Variants in ARHGAP10 observed in about 807,000 individuals in gnomAD.
The protein encoded by ARHGAP10 is Rho GTPase activating protein 10.
Under a neutral mutation model 108.6 loss-of-function variants are expected in ARHGAP10, and 87 were observed. The observed-to-expected ratio is 0.80, with a 90% CI of 0.67 to 0.96. The LOEUF (loss-of-function observed/expected upper bound fraction) is 0.96. Among genes scored for constraint, ARHGAP10 ranks in the 40% least tolerant of loss-of-function variants. The pLI, the probability that ARHGAP10 is intolerant of heterozygous loss-of-function variation, is 0.00. For synonymous variants in ARHGAP10, 347 were observed against 341.1 expected, an observed-to-expected ratio of 1.02 and a Z score of -0.19; for missense variants, 939 against 954.5, an observed-to-expected ratio of 0.98 and a Z score of 0.21.
intron 1 of ARHGAP10, among the ~76,000 whole-genome samples, chr4:147,818,869 G>A (rs995931063): frequency 1.1e-4 from 17 of 152,164 alleles, no homozygotes; most frequent in African/African-American, 3.9e-4. Flanking sequence ...AAAAGAAATA[G>A]AATATGGTGT....
chr4:147,952,616 T>G (rs1388546615), intron 15 of ARHGAP10, among the ~76,000 whole-genome samples: 9 of 152,276 alleles, frequency 5.9e-5, no homozygotes, highest in Non-Finnish European at 7.4e-5. Context: ...GATTGTCATA[T>G]TATTATGTTT....
At chr4:147,801,668 A>G (rs1731587327) in intron 1 of ARHGAP10, among the ~76,000 whole-genome samples, 1 of 152,256 alleles carries the variant, frequency 6.6e-6, no homozygotes. Flanking sequence ...ATTATACTTC[A>G]AAGAGAGTAA....
chr4:147,868,780 G>A (rs879025973), intron 7 of ARHGAP10, among the ~76,000 whole-genome samples: 7 of 152,154 alleles, frequency 4.6e-5, no homozygotes, highest in Admixed American at 3.3e-4. Context: ...ATCCACGTGC[G>A]CAGTTCACAA....
chr4:147,854,396 A>C (rs987303150), intron 4 of ARHGAP10, among the ~76,000 whole-genome samples: 1 of 152,126 alleles, frequency 6.6e-6, no homozygotes, highest in African/African-American at 2.4e-5. Flanking sequence ...GACGAGGACT[A>C]TCTGGTTTTC....
chr4:148,031,758 G>C (rs1728158007), intron 19 of ARHGAP10, among the ~76,000 whole-genome samples: 1 of 152,188 alleles, frequency 6.6e-6, no homozygotes, highest in Non-Finnish European at 1.5e-5. Context: ...GGAGAAGGAA[G>C]AGCCAGAGAG....
At chr4:148,024,452 T>C (rs1741690652) in intron 19 of ARHGAP10, among the ~76,000 whole-genome samples, 1 of 152,144 alleles carries the variant, frequency 6.6e-6, no homozygotes, top group African/African-American at 2.4e-5. Context: ...AGGTGGTTAA[T>C]ATCCAGAGAT....
intron 18 of ARHGAP10, among the ~76,000 whole-genome samples, chr4:147,970,917 A>G (rs60635047): frequency 0.24 from 35,763 of 151,774 alleles, 7,136 homozygotes; most frequent in African/African-American, 0.55. Context: ...GCAAAACCCC[A>G]TCTCTACTTA....
chr4:147,857,011 C>A (rs1385372110), intron 4 of ARHGAP10, among the ~76,000 whole-genome samples: 2 of 152,126 alleles, frequency 1.3e-5, no homozygotes, highest in Non-Finnish European at 2.9e-5. Flanking sequence ...TGCCACCACA[C>A]CCTGCTAACT....
chr4:147,876,586 C>G (rs1735069996), intron 8 of ARHGAP10, among the ~76,000 whole-genome samples: 2 of 152,022 alleles, frequency 1.3e-5, no homozygotes, highest in Non-Finnish European at 2.9e-5. Context: ...AAGCAAGACT[C>G]TGTCTCAAAA....
At chr4:147,924,600 A>G (rs1207310647) in intron 13 of ARHGAP10, among the ~76,000 whole-genome samples, 1 of 152,178 alleles carries the variant, frequency 6.6e-6, no homozygotes, top group Non-Finnish European at 1.5e-5. Flanking sequence ...GTCTTGCTAC[A>G]GAGTAGGCAT....
intron 13 of ARHGAP10, among the ~76,000 whole-genome samples, chr4:147,915,946 T>G (rs76076505): frequency 6.6e-6 from 1 of 152,008 alleles, no homozygotes; most frequent in Non-Finnish European, 1.5e-5. Flanking sequence ...TGTATAAAAA[T>G]TTTTTTAAAA....
At chr4:147,902,158 T>G (rs1736276617) in intron 10 of ARHGAP10, among the ~76,000 whole-genome samples, 2 of 152,224 alleles carry the variant, frequency 1.3e-5, no homozygotes, top group Admixed American at 6.5e-5. Flanking sequence ...ACTTCTGGAA[T>G]ATTTCCCAAG....
At chr4:147,779,329 G>A (rs1431528875) in intron 1 of ARHGAP10, among the ~76,000 whole-genome samples, 1 of 152,192 alleles carries the variant, frequency 6.6e-6, no homozygotes, top group Non-Finnish European at 1.5e-5. Flanking sequence ...GTATGAAGCA[G>A]TGGCCCTGGG....
At chr4:147,991,154 A>G (rs1436398338) in intron 18 of ARHGAP10, among the ~76,000 whole-genome samples, 1 of 151,858 alleles carries the variant, frequency 6.6e-6, no homozygotes, top group Non-Finnish European at 1.5e-5. Context: ...CTAAAAAAAA[A>G]AAAAAATAAA....
intron 1 of ARHGAP10, among the ~76,000 whole-genome samples, chr4:147,791,175 G>A (rs1438861785): frequency 1.3e-5 from 2 of 149,290 alleles, no homozygotes; most frequent in African/African-American, 5.0e-5. Context: ...GCAGTGGTGC[G>A]ATCTCAGCTC....
chr4:147,989,837 A>C (rs546062995), intron 18 of ARHGAP10, among the ~76,000 whole-genome samples: 1 of 152,368 alleles, frequency 6.6e-6, no homozygotes, highest in East Asian at 1.9e-4. Context: ...TAAAGCAAAG[A>C]CAGGCATAGG....
intron 18 of ARHGAP10, among the ~76,000 whole-genome samples, chr4:147,987,484 T>C (rs527465164): frequency 1.3e-5 from 2 of 152,308 alleles, no homozygotes; most frequent in Admixed American, 1.3e-4. Flanking sequence ...GTACAAGTAT[T>C]TCCTTCAGGC....
At chr4:147,914,414 G>A (rs186276972) in intron 13 of ARHGAP10, among the ~76,000 whole-genome samples, 19 of 151,882 alleles carry the variant, frequency 1.3e-4, no homozygotes, top group Admixed American at 1.2e-3. Flanking sequence ...CTGGAGTGTG[G>A]TGGTGGAGCC....
intron 4 of ARHGAP10, among the ~76,000 whole-genome samples, chr4:147,849,521 C>T (rs555464158): frequency 3.3e-5 from 5 of 152,252 alleles, no homozygotes; most frequent in East Asian, 3.9e-4. Flanking sequence ...ACAGTTTTCA[C>T]GTGGGGATTT....
Sources: gnomAD v4.1 joint callset for allele counts (sites outside exome capture counted in the v4.1 genomes callset) on GRCh38, gnomAD v4.1.1 for gene constraint, MANE v1.5 for transcripts, NCBI Gene and HGNC (gene_info 2026-07-23, HGNC 2026-07-21) for gene names.